The following LEP variants were observed in gnomAD, a reference collection of about 807,000 sequenced individuals.
LEP encodes leptin (murine obesity homolog).
Under a neutral mutation model 9.8 loss-of-function variants are expected in LEP, and 6 were observed. The observed-to-expected ratio is 0.61, with a 90% CI of 0.34 to 1.21. LEP has a LOEUF of 1.21. LEP is among the 50% of genes most tolerant of loss of function. The pLI is 0.04. For missense variants in LEP, 134 were observed against 198.1 expected (o/e 0.68, Z 1.94); for synonymous variants, 112 against 81.7 (o/e 1.37, Z -2.00).
intron 2 of LEP, among the ~76,000 whole-genome samples, chr7:128,253,277 A>C (rs954762531): frequency 2.6e-5 from 4 of 151,946 alleles, no homozygotes; most frequent in Admixed American, 1.3e-4. Context: ...GAGCGAGTCT[A>C]CCCTTTTTCA....
At chr7:128,251,568 A>G (rs578196968) in intron 1 of LEP, among the ~76,000 whole-genome samples, 7 of 152,232 alleles carry the variant, frequency 4.6e-5, no homozygotes, top group Non-Finnish European at 7.3e-5. Flanking sequence ...GCCTAGAGAT[A>G]GATATATTAC....
Position 128,246,001 on chromosome 7 carries a change from G to A in LEP, c.-29+4695G>A, listed in dbSNP as rs552804950. On this transcript the variant is annotated intron_variant, in intron 1 of 2. Coordinates refer to ENST00000308868, the MANE Select transcript of LEP (RefSeq NM_000230.3). ...CAGGAGAATCGCTTGAACCCGGGAG[G>A]CGGAGGTTGCAGTGAGCCGAGGTCA... 9.2e-5 allele frequency among the ~76,000 whole-genome samples: 14 copies of A among 152,082 alleles called. No individual in the cohort carries two copies. In the East Asian group the frequency reaches 2.1e-3, roughly 23 times the overall value.
chr7:128,254,366 C>A (rs1268256831), intron 2 of LEP, 38 bp from the exon 3 acceptor site: 1 of 1,608,642 alleles, frequency 6.2e-7, no homozygotes. Flanking sequence ...ATTCCTCCCA[C>A]ATGCTGAGCA....
intron 1 of LEP, among the ~76,000 whole-genome samples, chr7:128,251,671 G>C (rs916553197): frequency 6.6e-6 from 1 of 152,182 alleles, no homozygotes; most frequent in East Asian, 1.9e-4. Context: ...TTAAAAGTCT[G>C]TTATCTTTCC....
At chr7:128,252,832 T>A (rs917613076) in intron 2 of LEP, among the ~76,000 whole-genome samples, 1 of 152,074 alleles carries the variant, frequency 6.6e-6, no homozygotes, top group African/African-American at 2.4e-5. Context: ...GGAGGATCAG[T>A]TGAGGCCAGG....
chr7:128,253,344 C>G (rs1240562302), intron 2 of LEP, among the ~76,000 whole-genome samples: 1 of 152,222 alleles, frequency 6.6e-6, no homozygotes, highest in Non-Finnish European at 1.5e-5. Flanking sequence ...GGTCTTTTCT[C>G]TGGGGTCCAG....
chr7:128,243,631 G>A (rs548547891), intron 1 of LEP, among the ~76,000 whole-genome samples: 4 of 152,338 alleles, frequency 2.6e-5, no homozygotes, highest in Non-Finnish European at 5.9e-5. Flanking sequence ...CCTGGACGCT[G>A]AAGCATTTTC....
Position 128,242,892 on chromosome 7 carries a change from G to A in LEP, c.-29+1586G>A, listed in dbSNP as rs28954083. 1.3e-3 allele frequency among the ~76,000 whole-genome samples: 203 copies of A among 152,322 alleles called. 1 individual carries two copies. The highest frequency in any genetic ancestry group is 4.7e-3 in the African/African-American group (196 of 41,572). ...CGCTTAGATGCCACCAGGGGCGTGG[G>A]AGCCAAGGAGAGAAGAGGGGCTCCA... On this transcript the variant is annotated intron_variant, in intron 1 of 2. Transcript: ENST00000308868.
chr7:128,249,386 C>T (rs1202952438), intron 1 of LEP, among the ~76,000 whole-genome samples: 1 of 152,228 alleles, frequency 6.6e-6, no homozygotes, highest in Admixed American at 6.5e-5. Context: ...GGTCTTTGTC[C>T]TCCTGGTTCA....
At chr7:128,254,313 T>TGAC in intron 2 of LEP, 91 bp from the exon 3 acceptor site, 1 of 1,550,296 alleles carries the variant, frequency 6.5e-7, no homozygotes, top group Admixed American at 1.7e-5. Flanking sequence ...GCCCAGAGAA[T>TGAC]GACCCTCCAT....
chr7:128,250,283 T>C (rs139082407), intron 1 of LEP, among the ~76,000 whole-genome samples: 29 of 152,362 alleles, frequency 1.9e-4, no homozygotes, highest in African/African-American at 7.0e-4. Flanking sequence ...TTTTACTTTT[T>C]TAAGACATAA....
chr7:128,249,963 G>T (rs1281394097), intron 1 of LEP, among the ~76,000 whole-genome samples: 1 of 152,186 alleles, frequency 6.6e-6, no homozygotes, highest in East Asian at 1.9e-4. Context: ...GATAGAGGGG[G>T]CTTGTAAAAC....
chr7:128,244,770 C>T lies in LEP; in HGVS notation c.-29+3464C>T, dbSNP rs114915388. 2.3e-3 allele frequency among the ~76,000 whole-genome samples: 351 copies of T among 152,284 alleles called. 2 individuals carry two copies. The highest frequency in any genetic ancestry group is 8.2e-3 in the African/African-American group (340 of 41,552). ...TACTCTGGCTCAGTGGCTATGTGGG[C>T]TCTGGTCTCTCTCAGCTGTTCCATG... On this transcript the variant is annotated intron_variant, in intron 1 of 2. Coordinates refer to ENST00000308868, the MANE Select transcript of LEP (RefSeq NM_000230.3).
intron 1 of LEP, among the ~76,000 whole-genome samples, chr7:128,246,690 T>TG (rs1183891881): frequency 6.6e-6 from 1 of 152,044 alleles, no homozygotes; most frequent in East Asian, 1.9e-4. Context: ...CTTGAACTCC[T>TG]GGGCTCAAGC....
intron 2 of LEP, among the ~76,000 whole-genome samples, chr7:128,253,965 T>A (rs17151913): frequency 0.033 from 5,037 of 150,760 alleles, 241 homozygotes; most frequent in African/African-American, 0.11. Context: ...ACGGCCTTGA[T>A]CTCTAAGGAG....
chr7:128,254,923 C>G lies in LEP; in HGVS notation c.*160C>G, dbSNP rs2116229052. 2 of 766,884 alleles carry G rather than the reference C, an allele frequency of 2.6e-6. No homozygotes were observed. The highest frequency in any genetic ancestry group is 3.1e-5 in the South Asian group (2 of 65,494). 47.5% of individuals were successfully genotyped at this position (766,884 alleles called of 1,614,324 possible). ...GCCACTCTTCCAAAGGCATAAGACC[C>G]TAAGCCTCCTTTTGCTTGAAACCAA... On this transcript the variant is annotated 3_prime_UTR_variant, in exon 3 of 3. Coordinates refer to ENST00000308868, the MANE Select transcript of LEP (RefSeq NM_000230.3).
At chr7:128,245,836 G>T (rs1176015894) in intron 1 of LEP, among the ~76,000 whole-genome samples, 1 of 152,066 alleles carries the variant, frequency 6.6e-6, no homozygotes, top group East Asian at 1.9e-4. Context: ...GGCCGAGGCG[G>T]GTGGATCACG....
chr7:128,249,483 C>T (rs1795250169), intron 1 of LEP, among the ~76,000 whole-genome samples: 1 of 152,196 alleles, frequency 6.6e-6, no homozygotes, highest in Non-Finnish European at 1.5e-5. Context: ...TGAAGGCACA[C>T]GACAGGTTCC....
intron 2 of LEP, among the ~76,000 whole-genome samples, chr7:128,254,107 A>G (rs1010492815): frequency 2.0e-5 from 3 of 152,220 alleles, no homozygotes; most frequent in African/African-American, 7.2e-5. Context: ...TAAATAAAAC[A>G]TATGAAACCA....
Sources: allele counts gnomAD v4.1 joint callset (sites outside exome capture counted in the v4.1 genomes callset), GRCh38; gene constraint gnomAD v4.1.1; transcripts MANE v1.5; gene names NCBI Gene and HGNC (gene_info 2026-07-23, HGNC 2026-07-21).